Variants in DCC observed in about 807,000 individuals in gnomAD.
DCC encodes netrin receptor DCC.
Under a neutral mutation model 172.5 loss-of-function variants are expected in DCC, and 58 were observed. The observed-to-expected ratio is 0.34, with a 90% CI of 0.27 to 0.42. The LOEUF is 0.42. Among genes scored for constraint, DCC ranks in the 10% least tolerant of loss-of-function variants. The pLI is 1.00. For synonymous variants in DCC, 709 were observed against 644.5 expected, an observed-to-expected ratio of 1.10 and a Z score of -1.52; for missense variants, 1,740 against 1,791.0, an observed-to-expected ratio of 0.97 and a Z score of 0.51.
rs368043283 is a variant in DCC, at chr18:53,193,381, G to C, written c.1574-11835G>C. On this transcript the variant is annotated intron_variant, in intron 9 of 28. Coordinates refer to ENST00000442544, the MANE Select transcript of DCC (RefSeq NM_005215.4). ...AAATCCCCGCAGTGCCTGGAACACT[G>C]TAAAAATAGTTAACATTCATTGAGC... is the stretch of plus-strand genomic sequence containing the variant. Among the ~76,000 whole-genome samples the C allele has an allele frequency of 1.1e-3, 162 of 152,232 alleles. 1 individual carries two copies. Among genetic ancestry groups the C allele is most frequent in the African/African-American group, 3.6e-3 (151 of 41,546 alleles).
At chr18:52,888,459 A>G (rs115218415) in intron 2 of DCC, among the ~76,000 whole-genome samples, 2,617 of 152,288 alleles carry the variant, frequency 0.017, 55 homozygotes, top group African/African-American at 0.046. Flanking sequence ...ATATTAAAAA[A>G]TCTGTTATGG....
intron 1 of DCC, among the ~76,000 whole-genome samples, chr18:52,489,931 A>G (rs1417342882): frequency 6.6e-6 from 1 of 152,130 alleles, no homozygotes; most frequent in African/African-American, 2.4e-5. Flanking sequence ...TCCTCTTTTT[A>G]CAAACATTTA....
intron 1 of DCC, among the ~76,000 whole-genome samples, chr18:52,748,680 CA>C: frequency 6.6e-6 from 1 of 152,304 alleles, no homozygotes; most frequent in East Asian, 1.9e-4. Flanking sequence ...CAATGGGTCC[CA>C]GGTTCTTGTC....
At chr18:53,187,129 CT>C (rs56196908) in intron 9 of DCC, among the ~76,000 whole-genome samples, 55,529 of 144,286 alleles carry the variant, frequency 0.38, 10,963 homozygotes, top group Non-Finnish European at 0.44. Context: ...TTTTTTTTTT[CT>C]TTTTTTTTTT....
At chr18:52,374,400 A>G (rs1985258432) in intron 1 of DCC, among the ~76,000 whole-genome samples, 2 of 152,128 alleles carry the variant, frequency 1.3e-5, no homozygotes, top group African/African-American at 4.8e-5. Flanking sequence ...CCTCCAGAAC[A>G]AGTATGTTCA....
chr18:52,537,849 C>A (rs62081339), intron 1 of DCC, among the ~76,000 whole-genome samples: 2 of 152,194 alleles, frequency 1.3e-5, no homozygotes, highest in East Asian at 1.9e-4. Context: ...TCCCCCCATA[C>A]CTTAAAGTCC....
Position 53,022,752 on chromosome 18 carries a change from C to G in DCC, c.986-40553C>G, listed in dbSNP as rs1474369877. ...GAGAATTGTCAAAAGCATCAATACA[C>G]TGGATACTTCTTGATAAGCCTTTCT... On this transcript the variant is annotated intron_variant, in intron 5 of 28. Coordinates refer to ENST00000442544, the MANE Select transcript of DCC (RefSeq NM_005215.4). Among the ~76,000 whole-genome samples the G allele has an allele frequency of 3.3e-5, 5 of 152,054 alleles. No individual in the cohort carries two copies. In the East Asian group the frequency reaches 9.7e-4, roughly 29 times the overall value.
At chr18:52,893,226 G>GA (rs1314128864) in intron 2 of DCC, among the ~76,000 whole-genome samples, 15 of 151,554 alleles carry the variant, frequency 9.9e-5, no homozygotes, top group South Asian at 6.3e-4. Context: ...TCTTTGGCAG[G>GA]AAAAAAAATC....
intron 2 of DCC, among the ~76,000 whole-genome samples, chr18:52,773,966 T>A (rs1460150235): frequency 6.6e-6 from 1 of 152,188 alleles, no homozygotes; most frequent in Non-Finnish European, 1.5e-5. Context: ...ATTTCCCCAA[T>A]AATAATTTCC....
intron 7 of DCC, among the ~76,000 whole-genome samples, chr18:53,107,578 C>G (rs1013094866): frequency 1.4e-5 from 2 of 147,716 alleles, no homozygotes; most frequent in African/African-American, 5.0e-5. Context: ...TTCCTAACCT[C>G]AAACAGCTTA....
intron 5 of DCC, among the ~76,000 whole-genome samples, chr18:52,983,761 A>G (rs1465267255): frequency 1.3e-5 from 2 of 152,206 alleles, no homozygotes; most frequent in Non-Finnish European, 2.9e-5. Flanking sequence ...GTCTGGAATT[A>G]TAGAGATGGG....
intron 1 of DCC, among the ~76,000 whole-genome samples, chr18:52,458,381 T>C (rs908537419): frequency 6.6e-6 from 1 of 152,144 alleles, no homozygotes. Flanking sequence ...ACTGCGTGTC[T>C]TAGGGGTACT....
chr18:52,387,051 A>G (rs1985827844), intron 1 of DCC, among the ~76,000 whole-genome samples: 1 of 152,166 alleles, frequency 6.6e-6, no homozygotes, highest in South Asian at 2.1e-4. Flanking sequence ...TTATTTCATC[A>G]GTAGCAAATT....
intron 1 of DCC, among the ~76,000 whole-genome samples, chr18:52,661,465 A>G (rs1435309100): frequency 6.6e-6 from 1 of 152,230 alleles, no homozygotes; most frequent in African/African-American, 2.4e-5. Context: ...AGTGAAAGGC[A>G]GGCAAACTGG....
chr18:53,367,407 C>T (rs1243845599), intron 15 of DCC, among the ~76,000 whole-genome samples: 1 of 151,966 alleles, frequency 6.6e-6, no homozygotes, highest in Non-Finnish European at 1.5e-5. Context: ...TTGAAATTTC[C>T]TTAGTCTTAA....
chr18:52,844,095 A>G (rs11878017), intron 2 of DCC, among the ~76,000 whole-genome samples: 4,570 of 152,224 alleles, frequency 0.03, 217 homozygotes, highest in African/African-American at 0.1. Context: ...AATAATGTGA[A>G]CACCCCATAG....
At chr18:52,551,129 G>GATAATAAGTAATTTAAAATTAT (rs2032759168) in intron 1 of DCC, among the ~76,000 whole-genome samples, 4 of 151,828 alleles carry the variant, frequency 2.6e-5, no homozygotes, top group Non-Finnish European at 4.4e-5. Context: ...TATCCAACAA[G>GATAATAAGTAATTTAAAATTAT]CAGAGAATGT....
intron 8 of DCC, among the ~76,000 whole-genome samples, chr18:53,176,650 A>T (rs2144468112): frequency 6.6e-6 from 1 of 152,312 alleles, no homozygotes; most frequent in East Asian, 1.9e-4. Context: ...CACCAGTTAG[A>T]ATGGCAATCA....
At chr18:53,358,799 C>T (rs558659725) in intron 15 of DCC, among the ~76,000 whole-genome samples, 4 of 152,096 alleles carry the variant, frequency 2.6e-5, no homozygotes, top group South Asian at 2.1e-4. Flanking sequence ...GGACTACAGG[C>T]GTGAGCCACC....
Sources: gnomAD v4.1 joint callset for allele counts (sites outside exome capture counted in the v4.1 genomes callset) on GRCh38, gnomAD v4.1.1 for gene constraint, MANE v1.5 for transcripts, NCBI Gene and HGNC (gene_info 2026-07-23, HGNC 2026-07-21) for gene names.